The following UST variants were observed in gnomAD, a reference collection of about 807,000 sequenced individuals.
UST encodes the protein chondroitin sulfate 2-O-sulfotransferase.
A neutral mutation model predicts 45.6 loss-of-function variants in UST; 21 were observed. That is an observed-to-expected ratio of 0.46 (90% CI 0.33 to 0.66). The LOEUF is 0.66. UST is among the 30% of genes least tolerant of loss of function. The pLI, the probability that UST is intolerant of heterozygous loss-of-function variation, is 0.02. For synonymous variants in UST, 215 were observed against 200.6 expected (o/e 1.07, Z -0.61); for missense variants, 463 against 512.4 (o/e 0.90, Z 0.93).
intron 7 of UST, among the ~76,000 whole-genome samples, chr6:149,067,990 A>G (rs1776766356): frequency 2.0e-5 from 3 of 152,170 alleles, no homozygotes; most frequent in African/African-American, 7.2e-5. Context: ...GGTGGTTTTC[A>G]TCACTGACTC....
intron 7 of UST, chr6:149,027,812 C>G (rs901273838): frequency 6.6e-6 from 1 of 150,806 alleles, no homozygotes; most frequent in Non-Finnish European, 1.5e-5. Context: ...ATAATGCAGT[C>G]AAATGCTCTA....
At chr6:148,799,829 T>C (rs994219062) in intron 1 of UST, among the ~76,000 whole-genome samples, 1 of 152,222 alleles carries the variant, frequency 6.6e-6, no homozygotes, top group Non-Finnish European at 1.5e-5. Context: ...TTGGTGGTGA[T>C]GTTCATTGCG....
chr6:148,831,810 A>C (rs1562271137), intron 1 of UST, among the ~76,000 whole-genome samples: 2 of 152,124 alleles, frequency 1.3e-5, no homozygotes, highest in African/African-American at 4.8e-5. Flanking sequence ...AATAAAAAAA[A>C]GAAAGTAGGT....
intron 5 of UST, among the ~76,000 whole-genome samples, chr6:148,965,257 GTCTT>G (rs368424202): frequency 0.015 from 2,276 of 152,248 alleles, 50 homozygotes; most frequent in African/African-American, 0.051. Context: ...GGAGTTGCGC[GTCTT>G]TCTTTCAGCA....
chr6:149,010,068 C>T (rs2500542), intron 5 of UST, among the ~76,000 whole-genome samples: 102,589 of 151,278 alleles, frequency 0.68, 35,088 homozygotes, highest in South Asian at 0.76. Flanking sequence ...AATTTTATCC[C>T]GACTTTCTCA....
chr6:148,930,463 A>C (rs6914065), intron 2 of UST, among the ~76,000 whole-genome samples: 52,135 of 152,044 alleles, frequency 0.34, 9,064 homozygotes, highest in South Asian at 0.46. Flanking sequence ...ATGCCTAACC[A>C]AATGACTAGC....
chr6:148,760,644 C>T (rs946953369), intron 1 of UST, among the ~76,000 whole-genome samples: 1 of 151,036 alleles, frequency 6.6e-6, no homozygotes, highest in African/African-American at 2.4e-5. Context: ...AAAGTAAAAA[C>T]CACAAAGAAA....
At chr6:148,927,174 AAGAG>A (rs969282770) in intron 2 of UST, among the ~76,000 whole-genome samples, 3 of 150,812 alleles carry the variant, frequency 2.0e-5, no homozygotes, top group Non-Finnish European at 3.0e-5. Context: ...GAGAGTGAGA[AAGAG>A]AGAGAGAGAG....
intron 2 of UST, among the ~76,000 whole-genome samples, chr6:148,917,873 G>T (rs564478884): frequency 1.3e-5 from 2 of 152,310 alleles, no homozygotes; most frequent in South Asian, 2.1e-4. Flanking sequence ...GCTAAGATCC[G>T]CCAGGTAGAC....
chr6:149,016,610 AAGTACTT>A (rs1775902152), intron 5 of UST, among the ~76,000 whole-genome samples: 1 of 152,224 alleles, frequency 6.6e-6, no homozygotes, highest in African/African-American at 2.4e-5. Context: ...ATAAGCACAC[AAGTACTT>A]GCTCAAGGGC....
At chr6:148,781,020 A>G (rs970300399) in intron 1 of UST, among the ~76,000 whole-genome samples, 19 of 152,154 alleles carry the variant, frequency 1.2e-4, no homozygotes, top group Admixed American at 2.0e-4. Context: ...AGACACAACA[A>G]TATTGAAATT....
At chr6:149,072,738 CA>C (rs757306481) in intron 7 of UST, among the ~76,000 whole-genome samples, 2 of 150,400 alleles carry the variant, frequency 1.3e-5, no homozygotes, top group African/African-American at 4.9e-5. Flanking sequence ...ATAAGCTAGA[CA>C]AAAAAAGGAC....
At chr6:149,029,456 C>T (rs1362399339) in intron 7 of UST, among the ~76,000 whole-genome samples, 1 of 131,774 alleles carries the variant, frequency 7.6e-6, no homozygotes, top group Non-Finnish European at 1.6e-5. Context: ...ATTATATATA[C>T]ATTATATATT....
At chr6:148,912,331 T>C (rs554745505) in intron 2 of UST, among the ~76,000 whole-genome samples, 27 of 152,364 alleles carry the variant, frequency 1.8e-4, no homozygotes, top group African/African-American at 6.5e-4. Context: ...GTTGTTTCTT[T>C]TCATCTCAAG....
chr6:148,822,360 A>G (rs1390207331), intron 1 of UST, among the ~76,000 whole-genome samples: 1 of 152,146 alleles, frequency 6.6e-6, no homozygotes, highest in Non-Finnish European at 1.5e-5. Context: ...GTTGTTGTCA[A>G]TATACTTACA....
intron 1 of UST, among the ~76,000 whole-genome samples, chr6:148,754,828 C>G (rs529897468): frequency 2.0e-5 from 3 of 152,066 alleles, no homozygotes; most frequent in African/African-American, 7.2e-5. Flanking sequence ...GTGTTAAGTA[C>G]GGTACCTGGG....
At chr6:148,878,326 C>A in intron 1 of UST, among the ~76,000 whole-genome samples, 1 of 25,618 alleles carries the variant, frequency 3.9e-5, no homozygotes, top group African/African-American at 1.9e-4. Flanking sequence ...GTGCGGGGAT[C>A]GTGTATGAGT....
intron 5 of UST, among the ~76,000 whole-genome samples, chr6:148,969,930 A>G (rs1030392589): frequency 6.6e-6 from 1 of 152,186 alleles, no homozygotes; most frequent in Admixed American, 6.5e-5. Flanking sequence ...AAGCTCCTGT[A>G]GGCCCTGGGT....
At chr6:148,777,739 G>A (rs186859202) in intron 1 of UST, among the ~76,000 whole-genome samples, 2 of 152,204 alleles carry the variant, frequency 1.3e-5, no homozygotes, top group Admixed American at 1.3e-4. Context: ...TAGAGATGGG[G>A]TTTCACCATG....
Sources: allele counts gnomAD v4.1 joint callset (sites outside exome capture counted in the v4.1 genomes callset), GRCh38; gene constraint gnomAD v4.1.1; transcripts MANE v1.5; gene names NCBI Gene and HGNC (gene_info 2026-07-23, HGNC 2026-07-21).